Variants in TMEM39A observed in about 807,000 individuals in gnomAD.
The protein encoded by TMEM39A is suppressor of SQST-1 aggregates in rpl-43 mutants.
Under a neutral mutation model 51.9 loss-of-function variants are expected in TMEM39A, and 19 were observed. The observed-to-expected ratio is 0.37, with a 90% CI of 0.26 to 0.54. The LOEUF (loss-of-function observed/expected upper bound fraction) is 0.54, where lower values mean the gene tolerates loss of function less well. Among genes scored for constraint, TMEM39A ranks in the 20% least tolerant of loss-of-function variants. The probability of loss-of-function intolerance (pLI) is 0.88; values close to 1 mark genes in which losing one functional copy is unlikely to be tolerated. For missense variants in TMEM39A, 433 were observed against 590.5 expected (o/e 0.73, Z 2.76); for synonymous variants, 197 against 220.2 (o/e 0.89, Z 0.93).
chr3:119,437,334 A>C (rs2080983326), intron 6 of TMEM39A, among the ~76,000 whole-genome samples: 1 of 152,046 alleles, frequency 6.6e-6, no homozygotes, highest in African/African-American at 2.4e-5. Context: ...CATCCAGACC[A>C]TTTTTCTTTT....
intron 5 of TMEM39A, 86 bp from the exon 6 acceptor site, chr3:119,438,189 G>GT (rs2081000950): frequency 3.7e-6 from 4 of 1,069,580 alleles, no homozygotes; most frequent in Non-Finnish European, 5.2e-6. Flanking sequence ...TATAACTTAG[G>GT]TCAATAAAAT....
rs1419630099 is a variant in TMEM39A, at chr3:119,430,325, C to G, written c.*1656G>C. 6.6e-6 allele frequency: 1 copy of G among 152,102 alleles called. No homozygotes were observed. The highest frequency in any genetic ancestry group is 1.5e-5 in the Non-Finnish European group (1 of 67,980). The allele number at this position is 152,102 out of a possible 1,614,324, so 9.4% of individuals were successfully genotyped here. A position where few individuals can be genotyped will look rare whatever the true frequency, so the allele number is the denominator to read the frequency against. Reference sequence around the variant, plus strand: ...CTTAAAAATCATCTCCTCAAAGATGCCTTCTAGCAGTGCTATTCTTACCAC... The same window carrying G: ...CTTAAAAATCATCTCCTCAAAGATGGCTTCTAGCAGTGCTATTCTTACCAC... On this transcript the variant is annotated 3_prime_UTR_variant, in exon 9 of 9. Transcript: ENST00000319172.
chr3:119,458,260 T>C lies in TMEM39A; in HGVS notation c.114-20A>G. The C allele has an allele frequency of 1.2e-6, 2 of 1,607,956 alleles. No individual in the cohort carries two copies. The highest frequency in any genetic ancestry group is 1.7e-6 in the Non-Finnish European group (2 of 1,175,096). ...CCATTCCTGAAAGAGAAAACTATGG[T>C]TAACTCAAATGGTGATAACCTCCAG... On this transcript the variant is annotated intron_variant, in intron 2 of 8. Coordinates refer to ENST00000319172, the MANE Select transcript of TMEM39A (RefSeq NM_018266.3).
intron 4 of TMEM39A, chr3:119,451,257 T>C: frequency 7.8e-7 from 1 of 1,287,450 alleles, no homozygotes. Context: ...TGACTTAGTA[T>C]TTCCAGTTAC....
intron 4 of TMEM39A, among the ~76,000 whole-genome samples, chr3:119,448,374 A>T (rs1395524628): frequency 6.6e-6 from 1 of 152,176 alleles, no homozygotes; most frequent in African/African-American, 2.4e-5. Flanking sequence ...CCCAAAAAGG[A>T]GAAAAAAATT....
intron 2 of TMEM39A, among the ~76,000 whole-genome samples, chr3:119,459,856 C>T (rs2081315813): frequency 6.6e-6 from 1 of 151,936 alleles, no homozygotes. Flanking sequence ...TATCTATTTC[C>T]CTCCAATACT....
At chr3:119,433,829 C>A (rs1335779919) in intron 8 of TMEM39A, among the ~76,000 whole-genome samples, 1 of 152,170 alleles carries the variant, frequency 6.6e-6, no homozygotes, top group Non-Finnish European at 1.5e-5. Flanking sequence ...TCCCAATCTG[C>A]CCCACCCTGC....
At chr3:119,438,954 T>C (rs2081012800) in intron 5 of TMEM39A, among the ~76,000 whole-genome samples, 1 of 152,214 alleles carries the variant, frequency 6.6e-6, no homozygotes, top group South Asian at 2.1e-4. Flanking sequence ...TTAAGCTCTA[T>C]GAACCAGAGA....
intron 5 of TMEM39A, among the ~76,000 whole-genome samples, chr3:119,439,023 T>G (rs116351318): frequency 2.9e-3 from 440 of 152,322 alleles, no homozygotes; most frequent in African/African-American, 9.9e-3. Context: ...GCTGTAACAC[T>G]GTTTAAGTAT....
At chr3:119,435,294 A>C in intron 7 of TMEM39A, 1 of 985,446 alleles carries the variant, frequency 1.0e-6, no homozygotes, top group Non-Finnish European at 1.2e-6. Context: ...TGGAGAAATT[A>C]GCACATTGTC....
At chr3:119,452,936 C>G (rs2081219353) in intron 3 of TMEM39A, among the ~76,000 whole-genome samples, 1 of 152,188 alleles carries the variant, frequency 6.6e-6, no homozygotes, top group African/African-American at 2.4e-5. Context: ...GTCTCTTACA[C>G]AAGCTTATGT....
intron 4 of TMEM39A, among the ~76,000 whole-genome samples, chr3:119,448,974 T>C (rs550748048): frequency 3.3e-5 from 5 of 152,164 alleles, no homozygotes; most frequent in African/African-American, 7.2e-5. Context: ...GAAAAACAAA[T>C]ATTAAACTTT....
At chr3:119,436,353 T>G (rs2080967789) in intron 7 of TMEM39A, among the ~76,000 whole-genome samples, 1 of 152,114 alleles carries the variant, frequency 6.6e-6, no homozygotes. Flanking sequence ...CAAAACTGCA[T>G]GTATTAGAAA....
intron 2 of TMEM39A, among the ~76,000 whole-genome samples, chr3:119,460,193 C>A (rs1036518031): frequency 6.6e-6 from 1 of 152,040 alleles, no homozygotes; most frequent in African/African-American, 2.4e-5. Flanking sequence ...CCTCCCTCCC[C>A]CCAGTTAATT....
At chr3:119,435,806 A>T in intron 7 of TMEM39A, 1 of 1,249,604 alleles carries the variant, frequency 8.0e-7, no homozygotes, top group Non-Finnish European at 1.0e-6. Flanking sequence ...AGTAGCCTGA[A>T]GATGTACAGT....
At chr3:119,463,144 T>G (rs886746427) in intron 1 of TMEM39A, among the ~76,000 whole-genome samples, 192 bp downstream of exon 1, 1 of 152,150 alleles carries the variant, frequency 6.6e-6, no homozygotes, top group East Asian at 1.9e-4. Flanking sequence ...GAAAGAAAAG[T>G]GCAGGGAAAA....
intron 5 of TMEM39A, 24 bp downstream of exon 5, chr3:119,446,994 A>G (rs1198814133): frequency 6.2e-7 from 1 of 1,601,334 alleles, no homozygotes; most frequent in South Asian, 1.1e-5. Context: ...TTTACTAATA[A>G]CATGGTAAAA....
chr3:119,429,597 G>C lies in TMEM39A; in HGVS notation c.*2384C>G, dbSNP rs971968744. On this transcript the variant is annotated 3_prime_UTR_variant, in exon 9 of 9. Coordinates refer to ENST00000319172, the MANE Select transcript of TMEM39A (RefSeq NM_018266.3). ...TTACATGAACTATAATAGGATATCCGGGTAACTAGTAATTTTTCTCTCTTC... is the reference window on the plus strand; with the variant it reads ...TTACATGAACTATAATAGGATATCCCGGTAACTAGTAATTTTTCTCTCTTC... 6.6e-6 allele frequency: 1 copy of C among 151,970 alleles called. No individual in the cohort carries two copies. Among genetic ancestry groups the C allele is most frequent in the African/African-American group, 2.4e-5 (1 of 41,364 alleles). The allele number at this position is 151,970 out of a possible 1,614,324, so 9.4% of individuals were successfully genotyped here. A position where few individuals can be genotyped will look rare whatever the true frequency, so the allele number is the denominator to read the frequency against.
At chr3:119,439,426 C>T (rs2081019344) in intron 5 of TMEM39A, among the ~76,000 whole-genome samples, 1 of 151,806 alleles carries the variant, frequency 6.6e-6, no homozygotes, top group South Asian at 2.1e-4. Context: ...ACTAATAATA[C>T]AAAAATTAGC....
Sources: allele counts gnomAD v4.1 joint callset (sites outside exome capture counted in the v4.1 genomes callset), GRCh38; gene constraint gnomAD v4.1.1; transcripts MANE v1.5; gene names NCBI Gene and HGNC (gene_info 2026-07-23, HGNC 2026-07-21).